NBPF15: variants seen among roughly 807,000 people sequenced by gnomAD.
NBPF15 encodes NBPF member 15.
A neutral mutation model predicts 62.2 loss-of-function variants in NBPF15; 74 were observed. The ratio of observed to expected loss-of-function variants is 1.19; its 90% CI spans 0.99 to 1.44. The LOEUF (loss-of-function observed/expected upper bound fraction) is 1.44. NBPF15 is among the 40% of genes most tolerant of loss of function. The pLI, the probability that NBPF15 is intolerant of heterozygous loss-of-function variation, is 0.00. For synonymous variants in NBPF15, 244 were observed against 209.7 expected, an observed-to-expected ratio of 1.16 and a Z score of -1.41; for missense variants, 790 against 550.0, an observed-to-expected ratio of 1.44 and a Z score of -4.36.
chr1:144,431,404 A>T (rs1674157130), intron 13 of NBPF15, among the ~76,000 whole-genome samples: 1 of 150,712 alleles, frequency 6.6e-6, no homozygotes, highest in South Asian at 2.1e-4. Flanking sequence ...GCCAGAAGAG[A>T]GTGGGAGCAA....
At chr1:144,434,465 C>A (rs1232520123) in intron 12 of NBPF15, among the ~76,000 whole-genome samples, 1 of 146,230 alleles carries the variant, frequency 6.8e-6, no homozygotes, top group Non-Finnish European at 1.5e-5. Flanking sequence ...GGTGCCACTG[C>A]ACTCCAGCCT....
chr1:144,455,000 C>G (rs1553546520), intron 4 of NBPF15, among the ~76,000 whole-genome samples: 1 of 140,120 alleles, frequency 7.1e-6, no homozygotes, highest in Non-Finnish European at 1.6e-5. Context: ...AAAAGTAGAA[C>G]AAAAAGGAAA....
chr1:144,459,303 C>G (rs587733436), intron 3 of NBPF15, 63 bp downstream of exon 3: 14 of 152,004 alleles, frequency 9.2e-5, no homozygotes, highest in African/African-American at 3.4e-4. Flanking sequence ...CCAGCCTATG[C>G]AATGTGGCAA....
At position 144,427,810 on chromosome 1, in the gene NBPF15, G is replaced by A. The variant is rs1368592706; in HGVS notation, c.1213+8C>T. 4.3e-6 allele frequency: 3 copies of A among 701,288 alleles called. No homozygotes were observed. The highest frequency in any genetic ancestry group is 7.8e-6 in the Non-Finnish European group (3 of 383,106). The allele number at this position is 701,288 out of a possible 1,614,324, so 43.4% of individuals were successfully genotyped here. Reference sequence around the variant, plus strand: ...GGATCCTTATCACCTTCATAGAAAGGTACTCACCATCCATGTCAATAGCCA... The same window carrying A: ...GGATCCTTATCACCTTCATAGAAAGATACTCACCATCCATGTCAATAGCCA... On this transcript the variant is annotated splice_region_variant and intron_variant, in intron 16 of 21. Coordinates refer to ENST00000581897, the MANE Select transcript of NBPF15 (RefSeq NM_001385408.1).
chr1:144,458,918 A>G (rs587721061), intron 3 of NBPF15, among the ~76,000 whole-genome samples: 38 of 151,808 alleles, frequency 2.5e-4, no homozygotes, highest in African/African-American at 8.7e-4. Context: ...GCACACTCCT[A>G]TAGTCGCAGC....
intron 6 of NBPF15, among the ~76,000 whole-genome samples, chr1:144,445,789 A>G (rs1553543886): frequency 6.8e-6 from 1 of 147,214 alleles, no homozygotes; most frequent in Non-Finnish European, 1.5e-5. Flanking sequence ...TTCTTTCATA[A>G]TTTCTCAAAG....
At chr1:144,438,212 G>C (rs1327619985) in intron 8 of NBPF15, among the ~76,000 whole-genome samples, 165 bp from the exon 9 acceptor site, 6 of 151,298 alleles carry the variant, frequency 4.0e-5, no homozygotes, top group Non-Finnish European at 8.8e-5. Context: ...CTGACTTTCT[G>C]GCATCTGATC....
intron 13 of NBPF15, among the ~76,000 whole-genome samples, chr1:144,430,923 G>C (rs4950217): frequency 6.6e-6 from 1 of 151,468 alleles, no homozygotes; most frequent in African/African-American, 2.4e-5. Context: ...GAACTACGTG[G>C]TGCATGCACA....
At chr1:144,448,211 G>A (rs2102565387) in intron 6 of NBPF15, among the ~76,000 whole-genome samples, 1 of 152,216 alleles carries the variant, frequency 6.6e-6, no homozygotes, top group Non-Finnish European at 1.5e-5. Flanking sequence ...TTGAAAAGGA[G>A]GAGGTACTGA....
In NBPF15 at chr1:144,431,237, C is replaced by A. The variant is rs1254703917; in HGVS notation, c.825-1374G>T. 3.3e-4 allele frequency among the ~76,000 whole-genome samples: 50 copies of A among 150,892 alleles called. No homozygotes were observed. The East Asian group carries it at 9.5e-3, about 29-fold the overall frequency. ...AAACACAGAGAACACCATAAAGATA[C>A]TCCTCGAGAAGAGCAACCCCAAAAC... On this transcript the variant is annotated intron_variant, in intron 13 of 21. Transcript: ENST00000581897.
At chr1:144,437,762 G>A (rs1446242590) in intron 9 of NBPF15, among the ~76,000 whole-genome samples, 183 bp downstream of exon 9, 2 of 151,886 alleles carry the variant, frequency 1.3e-5, no homozygotes, top group Admixed American at 6.6e-5. Flanking sequence ...AGAAACAACT[G>A]CAACCCATAC....
At chr1:144,456,312 C>T (rs1347855918) in intron 4 of NBPF15, among the ~76,000 whole-genome samples, 1 of 151,984 alleles carries the variant, frequency 6.6e-6, no homozygotes, top group African/African-American at 2.4e-5. Flanking sequence ...ACTCTCCTCT[C>T]CTGAGGTAAA....
chr1:144,439,922 A>G lies in NBPF15; in HGVS notation c.82T>C (p.Leu28=), dbSNP rs1378851599. 1.8e-5 allele frequency: 29 copies of G among 1,610,496 alleles called. No individual in the cohort carries two copies. Among genetic ancestry groups the G allele is most frequent in the Middle Eastern group, 2.1e-4 (1 of 4,802 alleles). The change falls in exon 8 of 22, where the codon TTG becomes CTG. Residue 28 remains leucine, a synonymous_variant. Coordinates refer to ENST00000581897, the MANE Select transcript of NBPF15 (RefSeq NM_001385408.1). The part of the protein sequence containing the change: ...LEINEKLRPQ[L]AEKKQQFRNL... ...CTGAACTGCTGTTTCTTCTCTGCCA[A>G]CTGGGGGCGCAATTTCTCATTGATT...
At chr1:144,427,760 T>A in intron 16 of NBPF15, 58 bp downstream of exon 16, 1 of 608,212 alleles carries the variant, frequency 1.6e-6, no homozygotes, top group East Asian at 2.7e-5. Flanking sequence ...GCAGTAGGAA[T>A]ATGACCCTAA....
At chr1:144,432,379 G>A (rs868990432) in intron 13 of NBPF15, among the ~76,000 whole-genome samples, 3 of 151,892 alleles carry the variant, frequency 2.0e-5, no homozygotes, top group Admixed American at 6.6e-5. Flanking sequence ...GACCATTGAC[G>A]CTAGGAAGAA....
chr1:144,452,157 A>G (rs1691586394), intron 4 of NBPF15, among the ~76,000 whole-genome samples: 1 of 151,998 alleles, frequency 6.6e-6, no homozygotes, highest in South Asian at 2.1e-4. Flanking sequence ...CATCTCCAAA[A>G]AAAAAGATAA....
In NBPF15 at chr1:144,439,855, A is replaced by T; in HGVS notation, c.149T>A (p.Phe50Tyr). 1.9e-6 allele frequency: 3 copies of T among 1,608,726 alleles called. No homozygotes were observed. The highest frequency in any genetic ancestry group is 2.5e-6 in the Non-Finnish European group (3 of 1,177,840). Residue 50 changes from phenylalanine (F) to tyrosine (Y), a missense_variant, in exon 8 of 22, where the codon TTC (phenylalanine) becomes TAC (tyrosine). Transcript: ENST00000581897. ...GTATTTCTTCTGTCGGTTGGCCAGG[A>T]AGCCGGCCAGTTGAGTTAGAAAACA... ...EKCFLTQLAG[F>Y]LANRQKKYKY... is the part of the protein sequence containing the mutation.
chr1:144,444,347 T>C (rs1337169342), intron 6 of NBPF15, among the ~76,000 whole-genome samples: 1 of 150,834 alleles, frequency 6.6e-6, no homozygotes, highest in Non-Finnish European at 1.5e-5. Context: ...TTGCCTAGGT[T>C]TTTCCTGGGC....
chr1:144,439,145 A>G (rs1281156589), intron 8 of NBPF15, among the ~76,000 whole-genome samples: 7 of 151,594 alleles, frequency 4.6e-5, no homozygotes, highest in Admixed American at 4.6e-4. Context: ...CACCACGCCC[A>G]TCTACTTTTT....
Sources: allele counts gnomAD v4.1 joint callset (sites outside exome capture counted in the v4.1 genomes callset), GRCh38; gene constraint gnomAD v4.1.1; transcripts MANE v1.5; gene names NCBI Gene and HGNC (gene_info 2026-07-23, HGNC 2026-07-21).